ROBO2: variants seen among roughly 807,000 people sequenced by gnomAD.
ROBO2 encodes the protein roundabout guidance receptor 2.
ROBO2 carries 53 observed loss-of-function variants against 160.8 expected under a neutral mutation model. The ratio of observed to expected loss-of-function variants is 0.33; its 90% CI spans 0.26 to 0.41. ROBO2 has a LOEUF of 0.41. ROBO2 is among the 10% of genes least tolerant of loss of function. ROBO2 has a pLI of 1.00. For missense variants in ROBO2, 1,577 were observed against 1,722.4 expected (o/e 0.92, Z 1.49); for synonymous variants, 664 against 611.7 (o/e 1.09, Z -1.26).
At chr3:76,319,980 G>T (rs1485849635) in intron 2 of ROBO2, among the ~76,000 whole-genome samples, 1 of 151,880 alleles carries the variant, frequency 6.6e-6, no homozygotes, top group East Asian at 1.9e-4. Context: ...ATAAACGGAG[G>T]GGAAGTTGTT....
At position 77,468,944 on chromosome 3, in the gene ROBO2, C is replaced by T. The variant is rs564684094; in HGVS notation, c.389-8470C>T. Reference sequence around the variant, plus strand: ...CCACTGAGTTCTTTCTTTCCCATTCCCCTTCTGTGCAGAAGAAACCACTTA... The same window carrying T: ...CCACTGAGTTCTTTCTTTCCCATTCTCCTTCTGTGCAGAAGAAACCACTTA... On this transcript the variant is annotated intron_variant, in intron 2 of 25. Transcript: ENST00000461745. Among the ~76,000 whole-genome samples the T allele has an allele frequency of 4.6e-5, 7 of 152,224 alleles. No individual in the cohort carries two copies. In the South Asian group the frequency reaches 1.5e-3, roughly 32 times the overall value.
At chr3:77,274,815 T>G (rs1315950769) in intron 2 of ROBO2, among the ~76,000 whole-genome samples, 1 of 152,114 alleles carries the variant, frequency 6.6e-6, no homozygotes, top group African/African-American at 2.4e-5. Context: ...GTGAATAATC[T>G]GAGCCAAAGA....
At chr3:76,109,161 T>C (rs1308736454) in intron 2 of ROBO2, among the ~76,000 whole-genome samples, 13 of 152,056 alleles carry the variant, frequency 8.5e-5, no homozygotes, top group Non-Finnish European at 1.5e-4. Flanking sequence ...CAATAAAGTG[T>C]ATAATATAAT....
At chr3:76,601,844 T>G (rs1412527838) in intron 2 of ROBO2, among the ~76,000 whole-genome samples, 1 of 152,252 alleles carries the variant, frequency 6.6e-6, no homozygotes, top group East Asian at 1.9e-4. Flanking sequence ...AATGGGTTTT[T>G]CTTTTCTATC....
At chr3:77,436,464 C>A (rs925971234) in intron 2 of ROBO2, among the ~76,000 whole-genome samples, 1 of 151,690 alleles carries the variant, frequency 6.6e-6, no homozygotes, top group Non-Finnish European at 1.5e-5. Flanking sequence ...TATTCCTCTA[C>A]ACATTTTATT....
At chr3:77,648,581 G>A (rs1471008528) in exon 26 of ROBO2, 1 of 152,190 alleles carries the variant, frequency 6.6e-6, no homozygotes, top group Non-Finnish European at 1.5e-5. Flanking sequence ...ACATTGGGCA[G>A]TCAATTTATG....
At chr3:76,774,480 C>A (rs1479872948) in intron 2 of ROBO2, among the ~76,000 whole-genome samples, 1 of 150,858 alleles carries the variant, frequency 6.6e-6, no homozygotes, top group Non-Finnish European at 1.5e-5. Context: ...TAGTTTAAAT[C>A]TTCCCATTTT....
At chr3:76,111,688 GA>G (rs2070238449) in intron 2 of ROBO2, among the ~76,000 whole-genome samples, 1 of 151,944 alleles carries the variant, frequency 6.6e-6, no homozygotes, top group African/African-American at 2.4e-5. Context: ...GTCCTGAAGA[GA>G]CCCTCCATGA....
intron 2 of ROBO2, among the ~76,000 whole-genome samples, chr3:76,291,474 C>G (rs1318199441): frequency 6.6e-6 from 1 of 151,934 alleles, no homozygotes; most frequent in Non-Finnish European, 1.5e-5. Context: ...TTCAAGGAAC[C>G]AACCTGTTGC....
chr3:77,504,185 G>C (rs895161814), intron 5 of ROBO2, among the ~76,000 whole-genome samples: 4 of 152,100 alleles, frequency 2.6e-5, no homozygotes, highest in Non-Finnish European at 5.9e-5. Context: ...TAAGATCTCA[G>C]TATAAAAATT....
intron 1 of ROBO2, among the ~76,000 whole-genome samples, chr3:75,925,288 G>C (rs938401933): frequency 6.6e-6 from 1 of 151,968 alleles, no homozygotes; most frequent in African/African-American, 2.4e-5. Context: ...GGCTACTCCG[G>C]AGGCTGCGGT....
chr3:76,253,700 G>A (rs953091129), intron 2 of ROBO2, among the ~76,000 whole-genome samples: 3 of 151,046 alleles, frequency 2.0e-5, no homozygotes, highest in South Asian at 2.1e-4. Flanking sequence ...ACAGAAAAAG[G>A]TAAGTATTAG....
intron 1 of ROBO2, among the ~76,000 whole-genome samples, chr3:77,055,574 G>T (rs1289456728): frequency 6.6e-6 from 1 of 152,062 alleles, no homozygotes; most frequent in Non-Finnish European, 1.5e-5. Flanking sequence ...CCATGTGAGG[G>T]TTATAAAGAG....
chr3:76,438,226 C>T (rs2076771053), intron 2 of ROBO2, among the ~76,000 whole-genome samples: 1 of 151,868 alleles, frequency 6.6e-6, no homozygotes, highest in South Asian at 2.1e-4. Flanking sequence ...TAAATATTGG[C>T]CACATATATT....
chr3:76,107,352 A>G (rs1167007304), intron 2 of ROBO2, among the ~76,000 whole-genome samples: 1 of 152,104 alleles, frequency 6.6e-6, no homozygotes, highest in Non-Finnish European at 1.5e-5. Context: ...CCATAGGGCC[A>G]ATGGGAAGGC....
At chr3:77,278,380 T>A (rs989996047) in intron 2 of ROBO2, among the ~76,000 whole-genome samples, 5 of 152,162 alleles carry the variant, frequency 3.3e-5, no homozygotes, top group Admixed American at 2.0e-4. Flanking sequence ...TATAAATAGA[T>A]GCATATTTAG....
intron 2 of ROBO2, among the ~76,000 whole-genome samples, chr3:75,950,968 A>G (rs1452439312): frequency 1.3e-5 from 2 of 152,122 alleles, no homozygotes; most frequent in Non-Finnish European, 2.9e-5. Flanking sequence ...AATCTTAAAT[A>G]TATAAATAGC....
intron 2 of ROBO2, among the ~76,000 whole-genome samples, chr3:77,442,252 C>T (rs1057317496): frequency 3.3e-5 from 5 of 151,654 alleles, no homozygotes; most frequent in Non-Finnish European, 7.4e-5. Context: ...GCAGAGTTTG[C>T]AGTGAGCTGA....
chr3:76,806,153 G>A (rs141078065), intron 2 of ROBO2, among the ~76,000 whole-genome samples: 2 of 149,328 alleles, frequency 1.3e-5, no homozygotes, highest in Admixed American at 6.7e-5. Context: ...TCTTTTCTAC[G>A]TTATTATTTC....
Sources: allele counts gnomAD v4.1 joint callset (sites outside exome capture counted in the v4.1 genomes callset), GRCh38; gene constraint gnomAD v4.1.1; transcripts MANE v1.5; gene names NCBI Gene and HGNC (gene_info 2026-07-23, HGNC 2026-07-21).